PRKD1: variants seen among roughly 807,000 people sequenced by gnomAD.
PRKD1 encodes the protein protein kinase D1.
In PRKD1, 63 loss-of-function variants were observed where a neutral mutation model predicts 95.9. The observed-to-expected ratio is 0.66, with a 90% CI of 0.54 to 0.81. PRKD1 has a LOEUF of 0.81. Among genes scored for constraint, PRKD1 ranks in the 30% least tolerant of loss-of-function variants. The pLI is 0.00. For synonymous variants in PRKD1, 425 were observed against 423.1 expected, an observed-to-expected ratio of 1.00 and a Z score of -0.05; for missense variants, 1,048 against 1,165.3, an observed-to-expected ratio of 0.90 and a Z score of 1.47.
chr14:29,626,659 A>T (rs1205228085), intron 11 of PRKD1, 103 bp from the exon 12 acceptor site: 1 of 527,782 alleles, frequency 1.9e-6, no homozygotes, highest in Admixed American at 4.5e-5. Flanking sequence ...TAAGTATTTT[A>T]AAAATAAATT....
intron 1 of PRKD1, among the ~76,000 whole-genome samples, chr14:29,901,890 G>T (rs1894331493): frequency 6.6e-6 from 1 of 152,180 alleles, no homozygotes; most frequent in South Asian, 2.1e-4. Flanking sequence ...ATATCCAGAA[G>T]TTAGGAGGCT....
At chr14:29,760,090 T>A (rs1235178464) in intron 1 of PRKD1, among the ~76,000 whole-genome samples, 1 of 152,208 alleles carries the variant, frequency 6.6e-6, no homozygotes, top group African/African-American at 2.4e-5. Context: ...TGTTTACTAT[T>A]TTTGTATGAT....
chr14:29,806,171 A>T (rs1358100552), intron 1 of PRKD1, among the ~76,000 whole-genome samples: 1 of 152,224 alleles, frequency 6.6e-6, no homozygotes, highest in East Asian at 1.9e-4. Context: ...AGATCTCAAT[A>T]ACAAGAGCCA....
chr14:29,871,859 G>C (rs1456853255), intron 1 of PRKD1, among the ~76,000 whole-genome samples: 1 of 152,116 alleles, frequency 6.6e-6, no homozygotes, highest in East Asian at 1.9e-4. Context: ...TGGAAATCAA[G>C]TCAGCTCTGC....
At chr14:29,879,335 A>G (rs1396904380) in intron 1 of PRKD1, among the ~76,000 whole-genome samples, 1 of 152,166 alleles carries the variant, frequency 6.6e-6, no homozygotes, top group Non-Finnish European at 1.5e-5. Context: ...CTCCCGTGCT[A>G]TTCTTGTGAT....
intron 1 of PRKD1, among the ~76,000 whole-genome samples, chr14:29,896,377 C>CACAT (rs72121465): frequency 6.6e-6 from 1 of 151,880 alleles, no homozygotes; most frequent in African/African-American, 2.4e-5. Flanking sequence ...CACACACACA[C>CACAT]ACACACACAC....
chr14:29,852,371 A>T (rs963047047), intron 1 of PRKD1, among the ~76,000 whole-genome samples: 7 of 152,116 alleles, frequency 4.6e-5, no homozygotes, highest in Non-Finnish European at 7.4e-5. Flanking sequence ...TAGAAGGTAA[A>T]CTTGAGCAGG....
chr14:29,884,999 T>A (rs1893646548), intron 1 of PRKD1, among the ~76,000 whole-genome samples: 1 of 151,432 alleles, frequency 6.6e-6, no homozygotes, highest in Non-Finnish European at 1.5e-5. Flanking sequence ...GGTGGGCGCC[T>A]GTAGTCCCAG....
intron 1 of PRKD1, among the ~76,000 whole-genome samples, chr14:29,872,339 A>T (rs1893136338): frequency 6.6e-6 from 1 of 152,224 alleles, no homozygotes; most frequent in African/African-American, 2.4e-5. Flanking sequence ...TGAAAAGGAA[A>T]AAAGCTCACT....
At chr14:29,618,317 ATCTCTCCTCACT>A in intron 13 of PRKD1, among the ~76,000 whole-genome samples, 1 of 148,670 alleles carries the variant, frequency 6.7e-6, no homozygotes, top group Non-Finnish European at 1.5e-5. Flanking sequence ...CAGTGGTATG[ATCTCTCCTCACT>A]GCAACCTCTG....
chr14:29,788,628 CT>C (rs1245889258), intron 1 of PRKD1, among the ~76,000 whole-genome samples: 1 of 151,960 alleles, frequency 6.6e-6, no homozygotes, highest in Non-Finnish European at 1.5e-5. Context: ...TTAATTGTGG[CT>C]TTGTTATTTC....
chr14:29,634,411 A>G lies in PRKD1; in HGVS notation c.1314+7T>C. 6.2e-7 allele frequency: 1 copy of G among 1,613,962 alleles called. No homozygotes were observed. The highest frequency in any genetic ancestry group is 1.3e-5 in the African/African-American group (1 of 75,020). ...GGCAAGAGAACATTGTTCCCTGTGG[A>G]TCTTACCAGCGTGTCCTTGCTGGTG... On this transcript the variant is annotated splice_region_variant and intron_variant, in intron 8 of 17. Coordinates refer to ENST00000331968, the MANE Select transcript of PRKD1 (RefSeq NM_002742.3).
intron 1 of PRKD1, among the ~76,000 whole-genome samples, chr14:29,847,962 A>C (rs1892149899): frequency 6.6e-6 from 1 of 152,144 alleles, no homozygotes; most frequent in Admixed American, 6.5e-5. Flanking sequence ...CCATCTAGAC[A>C]ACAATTACAC....
chr14:29,891,729 A>C (rs1391640454), intron 1 of PRKD1, among the ~76,000 whole-genome samples: 1 of 152,058 alleles, frequency 6.6e-6, no homozygotes, highest in Non-Finnish European at 1.5e-5. Flanking sequence ...TTTCTAAACA[A>C]TGCACGTATT....
intron 1 of PRKD1, among the ~76,000 whole-genome samples, chr14:29,843,017 T>C (rs777064667): frequency 9.2e-5 from 14 of 152,006 alleles, no homozygotes; most frequent in Non-Finnish European, 1.3e-4. Context: ...GCCAGAGAAA[T>C]AGAAGGTATT....
chr14:29,704,240 G>T (rs1164800152), intron 2 of PRKD1, among the ~76,000 whole-genome samples: 1 of 151,916 alleles, frequency 6.6e-6, no homozygotes, highest in Non-Finnish European at 1.5e-5. Context: ...AATAAAACAT[G>T]TAATTATGGC....
intron 1 of PRKD1, among the ~76,000 whole-genome samples, chr14:29,782,616 C>T (rs1230692687): frequency 6.6e-6 from 1 of 152,052 alleles, no homozygotes; most frequent in African/African-American, 2.4e-5. Flanking sequence ...CTGCAGCCTC[C>T]ACCTCCCAGG....
At chr14:29,700,384 T>C (rs1470066474) in intron 2 of PRKD1, among the ~76,000 whole-genome samples, 1 of 152,202 alleles carries the variant, frequency 6.6e-6, no homozygotes, top group Non-Finnish European at 1.5e-5. Context: ...GTCTCTTAAA[T>C]CTCTTTTGAT....
In PRKD1 at chr14:29,897,075, T is replaced by A. The variant is rs11848454; in HGVS notation, c.264+30174A>T. Among the ~76,000 whole-genome samples the A allele has an allele frequency of 9.8e-3, 1,490 of 152,146 alleles. 12 individuals carry two copies. The highest frequency in any genetic ancestry group is 0.035 in the African/African-American group (1,435 of 41,554). On this transcript the variant is annotated intron_variant, in intron 1 of 17. Coordinates refer to ENST00000331968, the MANE Select transcript of PRKD1 (RefSeq NM_002742.3). ...TAAAACCACTTACAATTTTAGATAA[T>A]AAGAGTATCTTTCTAGATTTCTATG...
Sources: gnomAD v4.1 joint callset for allele counts (sites outside exome capture counted in the v4.1 genomes callset) on GRCh38, gnomAD v4.1.1 for gene constraint, MANE v1.5 for transcripts, NCBI Gene and HGNC (gene_info 2026-07-23, HGNC 2026-07-21) for gene names.